GIGYF2: variants seen among roughly 807,000 people sequenced by gnomAD.
The protein encoded by GIGYF2 is GRB10 interacting GYF protein 2.
In GIGYF2, 25 loss-of-function variants were observed where a neutral mutation model predicts 208.1. That is an observed-to-expected ratio of 0.12 (90% CI 0.09 to 0.17). The LOEUF is 0.17. GIGYF2 is among the 10% of genes least tolerant of loss of function. The pLI, the probability that GIGYF2 is intolerant of heterozygous loss-of-function variation, is 1.00. For missense variants in GIGYF2, 1,302 were observed against 1,579.4 expected (o/e 0.82, Z 2.98); for synonymous variants, 534 against 543.8 (o/e 0.98, Z 0.25).
intron 12 of GIGYF2, 38 bp from the exon 13 acceptor site, chr2:232,794,710 G>A: frequency 4.0e-6 from 6 of 1,516,304 alleles, no homozygotes; most frequent in Non-Finnish European, 5.5e-6. Flanking sequence ...AGAAGTCTCT[G>A]TATTTCAAAG....
chr2:232,818,077 ACTTTT>A (rs1700968259), intron 20 of GIGYF2, among the ~76,000 whole-genome samples: 1 of 152,132 alleles, frequency 6.6e-6, no homozygotes, highest in African/African-American at 2.4e-5. Flanking sequence ...TGATAATGAC[ACTTTT>A]AATGAGCATC....
Position 232,847,399 on chromosome 2 carries a change from A to G in GIGYF2, c.3512A>G (p.His1171Arg), listed in dbSNP as rs72554081. Residue 1171 changes from histidine (H) to arginine (R), a missense_variant, in exon 27 of 29, where the codon CAT becomes CGT. By Grantham distance (29) the His-to-Arg change is conservative. Coordinates refer to ENST00000373563, the MANE Select transcript of GIGYF2 (RefSeq NM_001103146.3). ...GAAGTAGAATCTCCTTATGAGGTCC[A>G]TGATTATATCAGGGCCTATTTAGGA... ...LKEVESPYEV[H>R]DYIRAYLGDT... is the part of the protein sequence containing the mutation. 2.0e-3 allele frequency: 3,168 copies of G among 1,612,152 alleles called. 5 individuals are homozygous for G. The highest frequency in any genetic ancestry group is 2.3e-3 in the Non-Finnish European group (2,680 of 1,178,310).
intron 5 of GIGYF2, among the ~76,000 whole-genome samples, chr2:232,755,425 C>T (rs34832091): frequency 0.17 from 25,187 of 152,174 alleles, 2,627 homozygotes; most frequent in Non-Finnish European, 0.22. Context: ...GCCTCGGCCT[C>T]CCAAAGTGCT....
chr2:232,730,319 T>C, intron 2 of GIGYF2: 5 of 542,840 alleles, frequency 9.2e-6, no homozygotes, highest in Non-Finnish European at 1.7e-5. Context: ...ATCTTTACTT[T>C]AGGGGCCGGG....
At chr2:232,786,613 G>A (rs1008815197) in intron 8 of GIGYF2, among the ~76,000 whole-genome samples, 1 of 152,208 alleles carries the variant, frequency 6.6e-6, no homozygotes, top group African/African-American at 2.4e-5. Context: ...AGAATCACCA[G>A]TAGGTGTTGG....
At chr2:232,754,387 TG>T (rs933040602) in intron 5 of GIGYF2, among the ~76,000 whole-genome samples, 8 of 152,312 alleles carry the variant, frequency 5.3e-5, no homozygotes, top group African/African-American at 1.7e-4. Context: ...TCAAAGGGGA[TG>T]GGCATTTAAA....
rs7578409 is a variant in GIGYF2, at chr2:232,756,091, A to G, written c.268-132A>G. On this transcript the variant is annotated intron_variant, in intron 5 of 28. Transcript: ENST00000373563. ...TGTGCAGTTATGGTTTTCCATTGCT[A>G]GTAGTAATTAGATGCCTTTTTATAG... 1.7e-3 allele frequency: 1,023 copies of G among 613,476 alleles called. 10 individuals are homozygous for G. The highest frequency in any genetic ancestry group is 0.013 in the African/African-American group (672 of 53,626). 38.0% of individuals were successfully genotyped at this position (613,476 alleles called of 1,614,324 possible).
intron 2 of GIGYF2, among the ~76,000 whole-genome samples, chr2:232,727,426 T>C (rs10201344): frequency 0.023 from 3,556 of 152,306 alleles, 151 homozygotes; most frequent in African/African-American, 0.08. Flanking sequence ...CCACCACATA[T>C]ATGTGAACAT....
intron 12 of GIGYF2, among the ~76,000 whole-genome samples, chr2:232,794,068 G>A (rs1224466589): frequency 1.3e-5 from 2 of 152,190 alleles, no homozygotes; most frequent in African/African-American, 2.4e-5. Context: ...CAGGAATTTG[G>A]AGAAGCTATC....
intron 6 of GIGYF2, among the ~76,000 whole-genome samples, chr2:232,758,641 C>A (rs1166237239): frequency 6.6e-6 from 1 of 152,152 alleles, no homozygotes; most frequent in African/African-American, 2.4e-5. Flanking sequence ...GTATCATTAG[C>A]AGGACCGGTG....
chr2:232,829,139 A>C (rs1701340467), intron 21 of GIGYF2, among the ~76,000 whole-genome samples: 1 of 152,048 alleles, frequency 6.6e-6, no homozygotes, highest in Non-Finnish European at 1.5e-5. Flanking sequence ...TGATTTGTTC[A>C]TTTCTTCCTT....
intron 3 of GIGYF2, among the ~76,000 whole-genome samples, chr2:232,743,121 C>T (rs1181665647): frequency 2.0e-5 from 3 of 152,140 alleles, no homozygotes; most frequent in Non-Finnish European, 4.4e-5. Context: ...CCTGCTGCTG[C>T]CACTTATTTA....
In GIGYF2 at chr2:232,766,003, A is replaced by G. The variant is rs1207013505; in HGVS notation, c.532+4567A>G. ...AGGTTAGTGAGCTGCACATCCAGAA[A>G]GGCAGAGCAGCCATTCCTCCCTCCC... On this transcript the variant is annotated intron_variant, in intron 8 of 28. Coordinates refer to ENST00000373563, the MANE Select transcript of GIGYF2 (RefSeq NM_001103146.3). The G allele has an allele frequency of 1.5e-5, 7 of 470,990 alleles. No homozygotes were observed. The East Asian group carries it at 2.8e-4, about 19-fold the overall frequency. 29.2% of individuals were successfully genotyped at this position (470,990 alleles called of 1,614,324 possible).
intron 12 of GIGYF2, 96 bp downstream of exon 12, chr2:232,791,542 C>A (rs1160026807): frequency 1.1e-5 from 11 of 1,004,210 alleles, no homozygotes; most frequent in Non-Finnish European, 1.5e-5. Flanking sequence ...CCTAGAACTG[C>A]TTTTAGTGGG....
chr2:232,843,230 A>G (rs550796443), intron 23 of GIGYF2, among the ~76,000 whole-genome samples: 1 of 148,880 alleles, frequency 6.7e-6, no homozygotes, highest in Non-Finnish European at 1.5e-5. Flanking sequence ...CATGTGTTTT[A>G]TTTCTGTGCT....
chr2:232,786,000 G>A lies in GIGYF2; in HGVS notation c.533-1150G>A, dbSNP rs80156233. Among the ~76,000 whole-genome samples, 781 of 152,286 alleles carry A rather than the reference G, an allele frequency of 5.1e-3. 12 individuals carry two copies. Among genetic ancestry groups the A allele is most frequent in the African/African-American group, 0.018 (760 of 41,548 alleles). ...TGATGTGAGATTTTATAAATGTTAT[G>A]AGTTATATATGTTAGCACATGTGGA... On this transcript the variant is annotated intron_variant, in intron 8 of 28. Coordinates refer to ENST00000373563, the MANE Select transcript of GIGYF2 (RefSeq NM_001103146.3).
chr2:232,782,174 A>T (rs1245438723), intron 8 of GIGYF2, among the ~76,000 whole-genome samples: 1 of 152,216 alleles, frequency 6.6e-6, no homozygotes, highest in Non-Finnish European at 1.5e-5. Flanking sequence ...CAAACAAGCA[A>T]ACAAATGGTA....
intron 23 of GIGYF2, among the ~76,000 whole-genome samples, chr2:232,843,412 G>A (rs1426160783): frequency 4.6e-5 from 7 of 151,536 alleles, no homozygotes; most frequent in Non-Finnish European, 2.9e-5. Flanking sequence ...ACAAAAATTA[G>A]CCAGGCGTGG....
At chr2:232,776,473 C>A (rs868298678) in intron 8 of GIGYF2, 2 of 1,570,292 alleles carry the variant, frequency 1.3e-6, no homozygotes, top group Non-Finnish European at 1.7e-6. Context: ...AGCCTTTATG[C>A]CAAGGTAGGT....
Sources: gnomAD v4.1 joint callset for allele counts (sites outside exome capture counted in the v4.1 genomes callset) on GRCh38, gnomAD v4.1.1 for gene constraint, MANE v1.5 for transcripts, NCBI Gene and HGNC (gene_info 2026-07-23, HGNC 2026-07-21) for gene names.